Variants in FAM118A observed in about 807,000 individuals in gnomAD.
The protein encoded by FAM118A is SIR2 antiphage like 2, also known as protein FAM118A.
In FAM118A, 25 loss-of-function variants were observed where a neutral mutation model predicts 38.2. The observed-to-expected ratio is 0.65, with a 90% CI of 0.48 to 0.91. FAM118A has a LOEUF of 0.91. FAM118A is among the 40% of genes least tolerant of loss of function. The probability of loss-of-function intolerance (pLI) is 0.00; values close to 1 mark genes in which losing one functional copy is unlikely to be tolerated. For synonymous variants in FAM118A, 178 were observed against 184.1 expected, an observed-to-expected ratio of 0.97 and a Z score of 0.27; for missense variants, 425 against 463.3, an observed-to-expected ratio of 0.92 and a Z score of 0.76.
rs764851359 is a variant in FAM118A at position 45,332,574 on chromosome 22, T to C, written c.801T>C (p.Asn267=). Residue 267 remains asparagine (N), a synonymous_variant, in exon 6 of 9, where the codon AAT becomes AAC. Coordinates refer to ENST00000441876, the MANE Select transcript of FAM118A (RefSeq NM_017911.4). ...ACTACATGCTTGTGCTGAAGGAGAA[T>C]GAAGACCATTTCTTTAAGCATCAGG... ...LEHYMLVLKE[N]EDHFFKHQAD... 1.1e-5 allele frequency: 18 copies of C among 1,614,176 alleles called. No individual in the cohort carries two copies. The highest frequency in any genetic ancestry group is 3.3e-4 in the Middle Eastern group (2 of 6,062).
chr22:45,337,728 C>G (rs2086206700), intron 8 of FAM118A: 8 of 576,452 alleles, frequency 1.4e-5, no homozygotes, highest in Non-Finnish European at 1.8e-5. Flanking sequence ...AGATGGAGGC[C>G]TAGGTCTCCC....
intron 1 of FAM118A, among the ~76,000 whole-genome samples, chr22:45,310,502 C>T (rs965688359): frequency 1.3e-5 from 2 of 152,178 alleles, no homozygotes; most frequent in African/African-American, 4.8e-5. Context: ...CCCCCAGGCC[C>T]GGGGCATCTT....
chr22:45,313,004 A>G (rs1158883262), intron 1 of FAM118A, among the ~76,000 whole-genome samples: 1 of 152,146 alleles, frequency 6.6e-6, no homozygotes. Flanking sequence ...GTGGGGCTGA[A>G]AGTTCCAAGG....
intron 1 of FAM118A, among the ~76,000 whole-genome samples, chr22:45,316,838 A>G (rs893883403): frequency 2.0e-5 from 3 of 152,142 alleles, no homozygotes; most frequent in African/African-American, 7.2e-5. Flanking sequence ...ACCTTGTCTG[A>G]CTTTGCAAAT....
intron 1 of FAM118A, among the ~76,000 whole-genome samples, chr22:45,317,933 C>G (rs537885950): frequency 4.7e-4 from 71 of 152,298 alleles, no homozygotes; most frequent in African/African-American, 1.5e-3. Flanking sequence ...ATGGCTAAGC[C>G]TGGAGTCTGT....
chr22:45,320,678 T>C (rs2084824649), intron 1 of FAM118A, among the ~76,000 whole-genome samples: 1 of 152,128 alleles, frequency 6.6e-6, no homozygotes, highest in Non-Finnish European at 1.5e-5. Context: ...GCTCAAGGGA[T>C]CCTCCCACCT....
intron 8 of FAM118A, among the ~76,000 whole-genome samples, chr22:45,339,474 G>A (rs997019152): frequency 1.3e-5 from 2 of 152,146 alleles, no homozygotes; most frequent in South Asian, 2.1e-4. Flanking sequence ...TAGAGAATTC[G>A]ATTTTGATAT....
chr22:45,318,610 A>G (rs1266734616), intron 1 of FAM118A: 1 of 152,210 alleles, frequency 6.6e-6, no homozygotes, highest in East Asian at 1.9e-4. Context: ...TTTGACTCTG[A>G]TGTTTAGGCT....
At chr22:45,317,939 T>A (rs2084679632) in intron 1 of FAM118A, among the ~76,000 whole-genome samples, 1 of 151,948 alleles carries the variant, frequency 6.6e-6, no homozygotes, top group South Asian at 2.1e-4. Context: ...AAGCCTGGAG[T>A]CTGTGAGGGG....
At chr22:45,312,768 G>C (rs9626676) in intron 1 of FAM118A, among the ~76,000 whole-genome samples, 1 of 152,156 alleles carries the variant, frequency 6.6e-6, no homozygotes, top group African/African-American at 2.4e-5. Context: ...GAGAAGATGC[G>C]TAGGGTGAGG....
At chr22:45,321,063 A>G (rs186139328) in intron 1 of FAM118A, among the ~76,000 whole-genome samples, 125 of 152,328 alleles carry the variant, frequency 8.2e-4, no homozygotes, top group South Asian at 4.3e-3. Flanking sequence ...TATTTATTTT[A>G]ATGCATGAAA....
intron 1 of FAM118A, among the ~76,000 whole-genome samples, chr22:45,315,193 C>T (rs1470332792): frequency 1.3e-5 from 2 of 152,100 alleles, no homozygotes; most frequent in African/African-American, 2.4e-5. Context: ...TGGGTGTATA[C>T]GTCCAAGCAG....
chr22:45,340,366 T>G lies in FAM118A; in HGVS notation c.1055-20T>G, dbSNP rs764013044. ...AGCTGGACTTTAACCCTTGGGCATTTCATTCTTTTATTTAAACAGATGATG... is the reference window on the plus strand; with the variant it reads ...AGCTGGACTTTAACCCTTGGGCATTGCATTCTTTTATTTAAACAGATGATG... On this transcript the variant is annotated intron_variant, in intron 8 of 8. Coordinates refer to ENST00000441876, the MANE Select transcript of FAM118A (RefSeq NM_017911.4). 7 of 1,614,186 alleles carry G rather than the reference T, an allele frequency of 4.3e-6. No individual in the cohort carries two copies. The South Asian group carries it at 7.7e-5, about 18-fold the overall frequency.
intron 1 of FAM118A, chr22:45,321,971 G>A: frequency 3.1e-6 from 1 of 321,396 alleles, no homozygotes; most frequent in Non-Finnish European, 6.0e-6. Context: ...GCTTCGCTTT[G>A]TTGTGCCGCT....
rs2085990529 is a variant in FAM118A at position 45,335,090 on chromosome 22, G to A, written c.938-260G>A. The A allele has an allele frequency of 1.4e-5, 7 of 493,692 alleles. No homozygotes were observed. The East Asian group carries it at 2.2e-4, about 16-fold the overall frequency. 30.6% of individuals were successfully genotyped at this position (493,692 alleles called of 1,614,324 possible). On this transcript the variant is annotated intron_variant, in intron 6 of 8. Transcript: ENST00000441876. ...ACTCCTGATGGGAGAGGAGGCCCATGACAGTGACAGTCATGCTAGTGATCG... is the reference window on the plus strand; with the variant it reads ...ACTCCTGATGGGAGAGGAGGCCCATAACAGTGACAGTCATGCTAGTGATCG...
rs890181916 is a variant in FAM118A at position 45,335,375 on chromosome 22, A to G, written c.963A>G (p.Thr321=). 7 of 1,614,200 alleles carry G rather than the reference A, an allele frequency of 4.3e-6. No individual in the cohort carries two copies. In the South Asian group the frequency reaches 4.4e-5, roughly 10 times the overall value. ...SPDADRVDST[T]LLGNACQDCA... Reference sequence around the variant, plus strand: ...ATGCTGATCGCGTGGACAGCACCACATTATTGGGTAAAGCAGATCTTTCTT... The same window carrying G: ...ATGCTGATCGCGTGGACAGCACCACGTTATTGGGTAAAGCAGATCTTTCTT... The change falls in exon 7 of 9, where the codon ACA becomes ACG. Residue 321 remains threonine (T), a synonymous_variant. Transcript: ENST00000441876.
In FAM118A at chr22:45,327,859, G is replaced by A. The variant is rs964549671; in HGVS notation, c.318G>A (p.Lys106=). The part of the protein sequence containing the change: ...RKMSPRTGDA[K]PSFFQDCLME... ...TTTTGTAGCGCACAGGCGATGCCAA[G>A]CCCAGCTTCTTCCAGGACTGCCTGA... is the stretch of plus-strand genomic sequence containing the variant. The change falls in exon 4 of 9, where the codon AAG becomes AAA. Residue 106 remains lysine (K), a synonymous_variant. Transcript: ENST00000441876. 2 of 1,614,132 alleles carry A rather than the reference G, an allele frequency of 1.2e-6. No individual in the cohort carries two copies. The highest frequency in any genetic ancestry group is 2.7e-5 in the African/African-American group (2 of 74,944).
chr22:45,331,331 A>G (rs1408305359), intron 5 of FAM118A, among the ~76,000 whole-genome samples: 2 of 150,076 alleles, frequency 1.3e-5, no homozygotes, highest in Non-Finnish European at 3.0e-5. Flanking sequence ...TTCTAAAAAA[A>G]TAAATAAATA....
intron 3 of FAM118A, among the ~76,000 whole-genome samples, chr22:45,327,053 TATAAA>T (rs2085327181): frequency 6.7e-6 from 1 of 149,992 alleles, no homozygotes; most frequent in African/African-American, 2.4e-5. Flanking sequence ...AATAAAATAA[TATAAA>T]AAATTAAATT....
Sources: gnomAD v4.1 joint callset for allele counts (sites outside exome capture counted in the v4.1 genomes callset) on GRCh38, gnomAD v4.1.1 for gene constraint, MANE v1.5 for transcripts, NCBI Gene and HGNC (gene_info 2026-07-23, HGNC 2026-07-21) for gene names.